The following NDRG4 variants were observed in gnomAD, a reference collection of about 807,000 sequenced individuals.
NDRG4 encodes the protein protein NDRG4.
A neutral mutation model predicts 55.8 loss-of-function variants in NDRG4; 38 were observed. The observed-to-expected ratio is 0.68, with a 90% CI of 0.53 to 0.89. The LOEUF is 0.89. NDRG4 is among the 40% of genes least tolerant of loss of function. The pLI is 0.00. For synonymous variants in NDRG4, 190 were observed against 182.7 expected (o/e 1.04, Z -0.32); for missense variants, 455 against 468.6 (o/e 0.97, Z 0.27).
At chr16:58,496,989 A>G (rs749901444), upstream of NDRG4, 1 of 152,228 alleles carries the variant, frequency 6.6e-6, no homozygotes, top group Non-Finnish European at 1.5e-5. Flanking sequence ...AATGACCCAC[A>G]TATTCGTGAA....
At chr16:58,465,149 C>G in intron 1 of NDRG4, 2 of 1,275,142 alleles carry the variant, frequency 1.6e-6, no homozygotes, top group East Asian at 5.6e-5. Context: ...GAGACCCAGA[C>G]AGGAGGAAAG....
At chr16:58,507,072 C>T (rs2038137355) in intron 8 of NDRG4, 57 bp downstream of exon 8, 1 of 1,358,048 alleles carries the variant, frequency 7.4e-7, no homozygotes, top group Non-Finnish European at 1.0e-6. Flanking sequence ...GGCCCTTGCA[C>T]ACTGCCCCCT....
upstream of NDRG4, among the ~76,000 whole-genome samples, chr16:58,497,399 G>A (rs1254835633): frequency 1.3e-5 from 2 of 152,184 alleles, no homozygotes; most frequent in Non-Finnish European, 2.9e-5. Flanking sequence ...GGCACATGGA[G>A]GACATTTGAA....
At chr16:58,476,242 G>A (rs2033612188) in intron 1 of NDRG4, among the ~76,000 whole-genome samples, 1 of 152,192 alleles carries the variant, frequency 6.6e-6, no homozygotes, top group Admixed American at 6.5e-5. Flanking sequence ...AAGGAAGAAG[G>A]GGAGAACAGA....
downstream of NDRG4, among the ~76,000 whole-genome samples, chr16:58,515,013 G>A (rs2039070127): frequency 6.6e-6 from 1 of 152,186 alleles, no homozygotes; most frequent in South Asian, 2.1e-4. Context: ...TGGCAAATAA[G>A]GGCAGAGAGG....
intron 5 of NDRG4, among the ~76,000 whole-genome samples, chr16:58,505,176 A>C (rs61512806): frequency 0.083 from 12,552 of 151,846 alleles, 1,167 homozygotes; most frequent in African/African-American, 0.23. Context: ...GGTGAAACCC[A>C]GTCTCTACTA....
At chr16:58,514,608 A>G (rs1252876769), downstream of NDRG4, among the ~76,000 whole-genome samples, 4 of 151,884 alleles carry the variant, frequency 2.6e-5, no homozygotes, top group Non-Finnish European at 5.9e-5. Flanking sequence ...TGGGCATGGC[A>G]GCGTACGCCT....
intron 1 of NDRG4, among the ~76,000 whole-genome samples, chr16:58,474,772 G>T (rs1028535418): frequency 6.6e-6 from 1 of 152,226 alleles, no homozygotes; most frequent in Non-Finnish European, 1.5e-5. Flanking sequence ...CACTCCTGGG[G>T]TATGGACATT....
chr16:58,507,520 A>AC (rs1219209489), intron 8 of NDRG4: 14 of 492,836 alleles, frequency 2.8e-5, no homozygotes, highest in Admixed American at 6.9e-5. Context: ...GAATAGAGAG[A>AC]CCCAGGGCCT....
At position 58,509,943 on chromosome 16, in the gene NDRG4, C is replaced by G. The variant is rs553154894; in HGVS notation, c.865+591C>G. Among the ~76,000 whole-genome samples, 10 of 151,788 alleles carry G rather than the reference C, an allele frequency of 6.6e-5. 1 individual carries two copies. The South Asian group carries it at 1.9e-3, about 28-fold the overall frequency. On this transcript the variant is annotated intron_variant, in intron 13 of 14. Coordinates refer to ENST00000570248, the MANE Select transcript of NDRG4 (RefSeq NM_001242835.2). ...GGAACCAGGTACACACACACAGACA[C>G]ACACACACACACACACAACACACCC... is the stretch of plus-strand genomic sequence containing the variant.
upstream of NDRG4, among the ~76,000 whole-genome samples, chr16:58,497,799 A>G (rs1236080596): frequency 6.6e-6 from 1 of 152,114 alleles, no homozygotes; most frequent in Non-Finnish European, 1.5e-5. Flanking sequence ...CAATTTGGAG[A>G]GGCACACAGG....
intron 1 of NDRG4, among the ~76,000 whole-genome samples, chr16:58,477,815 T>C (rs911848429): frequency 6.6e-6 from 1 of 152,100 alleles, no homozygotes; most frequent in Non-Finnish European, 1.5e-5. Flanking sequence ...ACATAGGATG[T>C]TTACATAGTG....
intron 5 of NDRG4, among the ~76,000 whole-genome samples, chr16:58,504,962 A>G (rs1051208533): frequency 6.6e-6 from 1 of 152,226 alleles, no homozygotes; most frequent in Non-Finnish European, 1.5e-5. Context: ...TAGCCACTAA[A>G]TAAGGATCGT....
intron 1 of NDRG4, among the ~76,000 whole-genome samples, chr16:58,479,424 G>A (rs1277671141): frequency 1.3e-5 from 2 of 152,174 alleles, no homozygotes; most frequent in Non-Finnish European, 2.9e-5. Flanking sequence ...GCACCCTTGT[G>A]TACTGCCTCT....
rs1194048054 is a variant in NDRG4 at position 58,500,347 on chromosome 16, C to G, written c.21+78C>G. 7.4e-6 allele frequency: 11 copies of G among 1,495,568 alleles called. No individual in the cohort carries two copies. In the African/African-American group the frequency reaches 1.5e-4, roughly 21 times the overall value. The allele number at this position is 1,495,568 out of a possible 1,614,324, so 92.6% of individuals were successfully genotyped here. ...TATGACCCACCGCAGGGAGGAAGTGCCCCCCTCAACCCACATCTGGTGGCA... is the reference window on the plus strand; with the variant it reads ...TATGACCCACCGCAGGGAGGAAGTGGCCCCCTCAACCCACATCTGGTGGCA... On this transcript the variant is annotated intron_variant, in intron 1 of 14. Transcript: ENST00000570248.
At chr16:58,466,938 G>T (rs1162410333) in intron 1 of NDRG4, among the ~76,000 whole-genome samples, 1 of 152,142 alleles carries the variant, frequency 6.6e-6, no homozygotes, top group African/African-American at 2.4e-5. Flanking sequence ...CTGGCTGGTT[G>T]GCACCTAGAG....
chr16:58,500,192 G>C lies in NDRG4; in HGVS notation c.-57G>C, dbSNP rs1360825124. ...AGCTGCCCCCGCCCTCTGGACCCGA[G>C]TGACTCAGGCCTTTGTTTGTCCTTC... On this transcript the variant is annotated 5_prime_UTR_variant, in exon 1 of 15. Transcript: ENST00000570248. 6.5e-7 allele frequency: 1 copy of C among 1,536,080 alleles called. No homozygotes were observed. The highest frequency in any genetic ancestry group is 8.7e-7 in the Non-Finnish European group (1 of 1,146,866).
chr16:58,497,372 G>A (rs1393061913), upstream of NDRG4, among the ~76,000 whole-genome samples: 1 of 152,160 alleles, frequency 6.6e-6, no homozygotes, highest in Non-Finnish European at 1.5e-5. Flanking sequence ...AATGGGTAAA[G>A]CACTCCAAGA....
intron 1 of NDRG4, among the ~76,000 whole-genome samples, chr16:58,474,054 T>A (rs1013304001): frequency 1.7e-5 from 2 of 118,072 alleles, no homozygotes; most frequent in African/African-American, 6.2e-5. Flanking sequence ...TTTTTTTTTT[T>A]GAGAGAGAAT....
Sources: gnomAD v4.1 joint callset for allele counts (sites outside exome capture counted in the v4.1 genomes callset) on GRCh38, gnomAD v4.1.1 for gene constraint, MANE v1.5 for transcripts, NCBI Gene and HGNC (gene_info 2026-07-23, HGNC 2026-07-21) for gene names.